C2orf76: variants seen among roughly 807,000 people sequenced by gnomAD.
C2orf76 encodes chromosome 2 open reading frame 76.
Under a neutral mutation model 16.9 loss-of-function variants are expected in C2orf76, and 23 were observed. The observed-to-expected ratio is 1.36, with a 90% confidence interval of 0.98 to 1.93. The LOEUF (loss-of-function observed/expected upper bound fraction) is 1.93, where lower values mean the gene tolerates loss of function less well. C2orf76 is among the 30% of genes most tolerant of loss of function. C2orf76 has a pLI of 0.00. For synonymous variants in C2orf76, 48 were observed against 52.3 expected (o/e 0.92, Z 0.35); for missense variants, 152 against 152.6 (o/e 1.00, Z 0.02).
At position 119,325,865 on chromosome 2, in the gene C2orf76, G is replaced by C. The variant is rs142900143; in HGVS notation, c.134-4661C>G. 4.9e-3 allele frequency among the ~76,000 whole-genome samples: 750 copies of C among 152,224 alleles called. 8 individuals carry two copies. Among genetic ancestry groups the C allele is most frequent in the African/African-American group, 0.014 (572 of 41,518 alleles). On this transcript the variant is annotated intron_variant, in intron 2 of 5. Transcript: ENST00000334816. ...ATCTGCCATACATACGTCTTCTTTA[G>C]TGAAGTGTCCGTTCAAATATTTTGC...
chr2:119,342,368 T>C (rs1202522142), intron 1 of C2orf76, among the ~76,000 whole-genome samples: 1 of 152,118 alleles, frequency 6.6e-6, no homozygotes, highest in African/African-American at 2.4e-5. Context: ...ACCTGCACTT[T>C]GGGAGGCCGA....
intron 1 of C2orf76, among the ~76,000 whole-genome samples, chr2:119,360,895 C>T (rs1680724496): frequency 1.3e-5 from 2 of 152,066 alleles, no homozygotes; most frequent in East Asian, 1.9e-4. Context: ...GGCTATATAC[C>T]ACAATTTCAT....
At chr2:119,300,149 C>T (rs1157001496), downstream of C2orf76, among the ~76,000 whole-genome samples, 1 of 152,186 alleles carries the variant, frequency 6.6e-6, no homozygotes, top group East Asian at 1.9e-4. Context: ...GCCCCAATTT[C>T]TTCATCTATA....
chr2:119,302,960 T>C (rs71338932), intron 5 of C2orf76, among the ~76,000 whole-genome samples: 29,668 of 148,578 alleles, frequency 0.2, 3,133 homozygotes, highest in Middle Eastern at 0.32. Flanking sequence ...TTTCCCCCCC[T>C]GAAATTAGCC....
intron 1 of C2orf76, among the ~76,000 whole-genome samples, chr2:119,350,066 A>ACCCCCCC (rs1489941272): frequency 3.0e-5 from 1 of 33,802 alleles, no homozygotes; most frequent in Non-Finnish European, 5.8e-5. Context: ...CCCCGCCCAC[A>ACCCCCCC]CCGCCCCCCG....
chr2:119,339,023 GT>G (rs1172816177), intron 2 of C2orf76: 1 of 152,188 alleles, frequency 6.6e-6, no homozygotes, highest in Non-Finnish European at 1.5e-5. Context: ...ATAGCAAAAT[GT>G]TAACACAAGG....
At chr2:119,354,423 T>C (rs906280238) in intron 1 of C2orf76, among the ~76,000 whole-genome samples, 4 of 151,986 alleles carry the variant, frequency 2.6e-5, no homozygotes, top group African/African-American at 7.3e-5. Context: ...TACTGGGAGG[T>C]TGAGGCACGA....
chr2:119,319,811 T>C (rs1679288516), intron 3 of C2orf76, among the ~76,000 whole-genome samples: 1 of 152,174 alleles, frequency 6.6e-6, no homozygotes, highest in South Asian at 2.1e-4. Context: ...CACTCCCGAA[T>C]ACCTAACAAA....
chr2:119,295,634 G>A, the C2orf76 span, among the ~76,000 whole-genome samples: 93 of 152,236 alleles, frequency 6.1e-4, 2 homozygotes, highest in South Asian at 0.011. Context: ...CATTATGGAC[G>A]ACAGTTTTTT....
At chr2:119,334,328 A>G (rs189736349) in intron 2 of C2orf76, among the ~76,000 whole-genome samples, 152 of 149,712 alleles carry the variant, frequency 1.0e-3, no homozygotes, top group Non-Finnish European at 1.9e-4. Context: ...CCATTTGTCA[A>G]AAACCCAAAG....
the C2orf76 span, among the ~76,000 whole-genome samples, chr2:119,288,905 C>T: frequency 1.3e-5 from 2 of 152,048 alleles, no homozygotes; most frequent in Non-Finnish European, 2.9e-5. Context: ...CAGCCCCCAG[C>T]CTCCTCTCCC....
At chr2:119,291,849 G>C in the C2orf76 span, among the ~76,000 whole-genome samples, 1 of 152,044 alleles carries the variant, frequency 6.6e-6, no homozygotes, top group African/African-American at 2.4e-5. Flanking sequence ...AATATGTTTA[G>C]TCAGGCACCG....
At chr2:119,349,359 TAC>T (rs1386507523) in intron 1 of C2orf76, among the ~76,000 whole-genome samples, 1 of 152,162 alleles carries the variant, frequency 6.6e-6, no homozygotes, top group African/African-American at 2.4e-5. Context: ...ATACCAAACT[TAC>T]AGAGTACTGG....
chr2:119,322,825 G>A (rs1162772512), intron 2 of C2orf76, among the ~76,000 whole-genome samples: 1 of 150,912 alleles, frequency 6.6e-6, no homozygotes, highest in Non-Finnish European at 1.5e-5. Flanking sequence ...AGAATTTATG[G>A]TGGGATTTGC....
At chr2:119,344,729 G>C (rs915578263) in intron 1 of C2orf76, among the ~76,000 whole-genome samples, 1 of 152,144 alleles carries the variant, frequency 6.6e-6, no homozygotes, top group African/African-American at 2.4e-5. Flanking sequence ...GAAAAAGCTT[G>C]TTTGATTTTC....
chr2:119,312,713 CAT>C (rs1279545656), intron 4 of C2orf76, among the ~76,000 whole-genome samples: 1 of 151,808 alleles, frequency 6.6e-6, no homozygotes, highest in Non-Finnish European at 1.5e-5. Flanking sequence ...CAGTGAGACT[CAT>C]AAATACAAGT....
At chr2:119,361,838 T>C (rs1296303488) in intron 1 of C2orf76, among the ~76,000 whole-genome samples, 1 of 147,144 alleles carries the variant, frequency 6.8e-6, no homozygotes, top group East Asian at 1.9e-4. Flanking sequence ...TAGCTCAAAA[T>C]AGTGTTTTTT....
chr2:119,314,014 G>GTTTTTGTTTTTT (rs1679082163), intron 4 of C2orf76, among the ~76,000 whole-genome samples: 1 of 86,140 alleles, frequency 1.2e-5, no homozygotes, highest in African/African-American at 5.0e-5. Flanking sequence ...TTTCTCAGTG[G>GTTTTTGTTTTTT]TTTTTTTTTT....
the C2orf76 span, among the ~76,000 whole-genome samples, chr2:119,284,334 A>G: frequency 2.6e-5 from 4 of 152,176 alleles, no homozygotes; most frequent in African/African-American, 4.8e-5. Context: ...CCACAAAGGC[A>G]TAAGTAGGCT....
Sources: gnomAD v4.1 joint callset for allele counts (sites outside exome capture counted in the v4.1 genomes callset) on GRCh38, gnomAD v4.1.1 for gene constraint, MANE v1.5 for transcripts, NCBI Gene and HGNC (gene_info 2026-07-23, HGNC 2026-07-21) for gene names.